Variants in RBFOX1 observed in about 807,000 individuals in gnomAD.
RBFOX1 encodes the protein RNA binding fox-1 homolog 1.
In RBFOX1, 8 loss-of-function variants were observed where a neutral mutation model predicts 57.7. That is an observed-to-expected ratio of 0.14 (90% CI 0.08 to 0.25). The LOEUF (loss-of-function observed/expected upper bound fraction) is 0.25. Ranked by LOEUF, RBFOX1 falls within the 10% of genes least tolerant of loss-of-function variation. The pLI, the probability that RBFOX1 is intolerant of heterozygous loss-of-function variation, is 1.00. For synonymous variants in RBFOX1, 326 were observed against 222.4 expected, an observed-to-expected ratio of 1.47 and a Z score of -4.15; for missense variants, 611 against 548.5, an observed-to-expected ratio of 1.11 and a Z score of -1.14.
intron 3 of RBFOX1, among the ~76,000 whole-genome samples, chr16:5,622,600 C>T (rs2048232212): frequency 6.6e-6 from 1 of 152,224 alleles, no homozygotes; most frequent in Non-Finnish European, 1.5e-5. Context: ...GGTTGGCAAA[C>T]TTCAGCCCAT....
At chr16:6,630,275 C>T (rs1333733648) in intron 2 of RBFOX1, among the ~76,000 whole-genome samples, 1 of 152,072 alleles carries the variant, frequency 6.6e-6, no homozygotes, top group African/African-American at 2.4e-5. Flanking sequence ...CTCTTCTGCC[C>T]ACACCCAAGG....
At chr16:6,914,830 C>G (rs775810911) in intron 3 of RBFOX1, among the ~76,000 whole-genome samples, 4 of 152,216 alleles carry the variant, frequency 2.6e-5, no homozygotes, top group African/African-American at 9.6e-5. Flanking sequence ...CAAGGCTGCA[C>G]TGAGCCAAGA....
In RBFOX1 at chr16:7,084,853, T is replaced by G. The variant is rs116318234; in HGVS notation, c.27+32755T>G. Among the ~76,000 whole-genome samples, 1,116 of 150,592 alleles carry G rather than the reference T, an allele frequency of 7.4e-3. 15 individuals carry two copies. The highest frequency in any genetic ancestry group is 0.027 in the African/African-American group (1,062 of 40,016). ...GGCAATCTTGTCTGTCTGTCTGTCT[T>G]TCTGTCTATCTATCTATCCATCTAT... On this transcript the variant is annotated intron_variant, in intron 4 of 15. Coordinates refer to ENST00000550418, the MANE Select transcript of RBFOX1 (RefSeq NM_018723.4).
At chr16:6,600,383 G>C (rs753224413) in intron 2 of RBFOX1, among the ~76,000 whole-genome samples, 1 of 151,992 alleles carries the variant, frequency 6.6e-6, no homozygotes, top group African/African-American at 2.4e-5. Flanking sequence ...CACATGTTCC[G>C]TTACAATCAT....
chr16:5,819,780 T>C (rs1010732480), intron 3 of RBFOX1, among the ~76,000 whole-genome samples: 3 of 152,250 alleles, frequency 2.0e-5, no homozygotes, highest in Non-Finnish European at 4.4e-5. Context: ...ACAAATATTA[T>C]TGAGCACTTT....
chr16:6,322,887 A>G (rs1468483651), intron 2 of RBFOX1, among the ~76,000 whole-genome samples: 1 of 152,116 alleles, frequency 6.6e-6, no homozygotes, highest in Non-Finnish European at 1.5e-5. Context: ...TGGAAGGACA[A>G]ACTCATCTAG....
intron 3 of RBFOX1, among the ~76,000 whole-genome samples, chr16:5,788,059 T>G (rs978738610): frequency 1.3e-5 from 2 of 152,128 alleles, no homozygotes; most frequent in African/African-American, 4.8e-5. Flanking sequence ...AATGATTGAC[T>G]TGTAGGGGTG....
intron 3 of RBFOX1, among the ~76,000 whole-genome samples, chr16:5,851,383 C>T (rs779495786): frequency 8.5e-5 from 13 of 152,126 alleles, no homozygotes; most frequent in Non-Finnish European, 1.8e-4. Context: ...TGTCTGAAGA[C>T]CTTTTCCCTA....
At chr16:5,690,791 C>T (rs1371159210) in intron 3 of RBFOX1, among the ~76,000 whole-genome samples, 1 of 152,200 alleles carries the variant, frequency 6.6e-6, no homozygotes, top group Non-Finnish European at 1.5e-5. Context: ...GATTTGAAAC[C>T]TGACCATGCC....
At chr16:7,482,646 A>G (rs1272831081) in intron 4 of RBFOX1, among the ~76,000 whole-genome samples, 4 of 150,248 alleles carry the variant, frequency 2.7e-5, no homozygotes, top group South Asian at 2.1e-4. Context: ...CCCAGGAGGA[A>G]GAAGATGCTG....
At chr16:5,997,330 G>A (rs2060508474) in intron 4 of RBFOX1, among the ~76,000 whole-genome samples, 1 of 152,210 alleles carries the variant, frequency 6.6e-6, no homozygotes. Context: ...TTATTTAATT[G>A]TATTCTGTTG....
At chr16:5,877,975 G>C (rs1432894150) in intron 4 of RBFOX1, among the ~76,000 whole-genome samples, 1 of 152,206 alleles carries the variant, frequency 6.6e-6, no homozygotes, top group Non-Finnish European at 1.5e-5. Flanking sequence ...TCCACCTCCA[G>C]AGTTGAGTCC....
intron 13 of RBFOX1, among the ~76,000 whole-genome samples, chr16:7,670,375 C>A (rs573333246): frequency 1.3e-5 from 2 of 152,192 alleles, no homozygotes; most frequent in Admixed American, 6.5e-5. Flanking sequence ...ATAATTTGTC[C>A]AAAAATCTTC....
chr16:5,439,529 G>A (rs983851530), intron 1 of RBFOX1, among the ~76,000 whole-genome samples: 5 of 152,074 alleles, frequency 3.3e-5, no homozygotes, highest in Non-Finnish European at 7.4e-5. Context: ...TAGGTATCTC[G>A]TAGGTAGAAC....
intron 14 of RBFOX1, among the ~76,000 whole-genome samples, chr16:7,708,547 A>G (rs912260938): frequency 2.9e-4 from 44 of 152,216 alleles, no homozygotes; most frequent in African/African-American, 9.9e-4. Context: ...GGCTGCTTCC[A>G]TTCAAATATA....
At chr16:6,850,821 C>T (rs532358260) in intron 3 of RBFOX1, among the ~76,000 whole-genome samples, 3 of 152,278 alleles carry the variant, frequency 2.0e-5, no homozygotes, top group Non-Finnish European at 2.9e-5. Flanking sequence ...CTCTCATTTT[C>T]TTGTAGAACT....
chr16:6,210,350 AAAAAAAACAC>A (rs2097286439), intron 1 of RBFOX1, among the ~76,000 whole-genome samples: 3 of 62,956 alleles, frequency 4.8e-5, no homozygotes, highest in African/African-American at 1.2e-4. Flanking sequence ...AAAAACAAAA[AAAAAAAACAC>A]CAAAAAAAAA....
intron 14 of RBFOX1, among the ~76,000 whole-genome samples, chr16:7,678,077 G>T (rs1485360021): frequency 6.6e-6 from 1 of 152,154 alleles, no homozygotes; most frequent in South Asian, 2.1e-4. Flanking sequence ...GTAACAAATG[G>T]CTCTTTGGCA....
At chr16:6,244,169 C>A (rs972366735) in intron 1 of RBFOX1, among the ~76,000 whole-genome samples, 1 of 151,946 alleles carries the variant, frequency 6.6e-6, no homozygotes, top group Non-Finnish European at 1.5e-5. Context: ...TCTAGTCTAC[C>A]TTCTCAGTCA....
Sources: gnomAD v4.1 joint callset for allele counts (sites outside exome capture counted in the v4.1 genomes callset) on GRCh38, gnomAD v4.1.1 for gene constraint, MANE v1.5 for transcripts, NCBI Gene and HGNC (gene_info 2026-07-23, HGNC 2026-07-21) for gene names.